PTPRM: variants seen among roughly 807,000 people sequenced by gnomAD.
The protein encoded by PTPRM is protein tyrosine phosphatase receptor type M, also known as receptor-type tyrosine-protein phosphatase mu.
A neutral mutation model predicts 186.7 loss-of-function variants in PTPRM; 47 were observed. That is an observed-to-expected ratio of 0.25 (90% confidence interval 0.20 to 0.32). The LOEUF (loss-of-function observed/expected upper bound fraction) is 0.32. Ranked by LOEUF, PTPRM falls within the 10% of genes least tolerant of loss-of-function variation. The pLI is 1.00. For synonymous variants in PTPRM, 668 were observed against 674.9 expected (o/e 0.99, Z 0.16); for missense variants, 1,494 against 1,865.0 (o/e 0.80, Z 3.66).
chr18:8,116,467 G>T (rs2091961464), intron 13 of PTPRM, among the ~76,000 whole-genome samples: 1 of 152,134 alleles, frequency 6.6e-6, no homozygotes, highest in Non-Finnish European at 1.5e-5. Context: ...GATAATCTGG[G>T]GGTCAAGGCC....
rs139723278 is a variant in PTPRM, at chr18:7,908,098, T to C, written c.547+1515T>C. 5.3e-4 allele frequency among the ~76,000 whole-genome samples: 80 copies of C among 152,310 alleles called. 1 individual carries two copies. Among genetic ancestry groups the C allele is most frequent in the African/African-American group, 1.9e-3 (77 of 41,576 alleles). On this transcript the variant is annotated intron_variant, in intron 4 of 32. Transcript: ENST00000580170. The stretch of plus-strand genomic sequence containing the variant: ...CTCAGTGGAGTGTGTTCTTAGAGGC[T>C]GAATTGCTGGGATGTAGTGCAGAGA...
chr18:7,700,301 A>G (rs1339498330), intron 1 of PTPRM, among the ~76,000 whole-genome samples: 1 of 152,230 alleles, frequency 6.6e-6, no homozygotes, highest in Admixed American at 6.5e-5. Flanking sequence ...GACTGGACCC[A>G]GTAAACCCTT....
intron 1 of PTPRM, among the ~76,000 whole-genome samples, chr18:7,728,456 C>T (rs1259250076): frequency 7.5e-6 from 1 of 133,752 alleles, no homozygotes; most frequent in African/African-American, 3.7e-5. Context: ...CTACGCTCCT[C>T]CCTGCATAAG....
intron 2 of PTPRM, among the ~76,000 whole-genome samples, chr18:7,783,550 C>T (rs2042952846): frequency 6.6e-6 from 1 of 152,038 alleles, no homozygotes; most frequent in Admixed American, 6.6e-5. Flanking sequence ...GAACAGTGCC[C>T]TCTCTTTTTA....
At chr18:7,791,415 T>C (rs2043339541) in intron 2 of PTPRM, among the ~76,000 whole-genome samples, 1 of 152,206 alleles carries the variant, frequency 6.6e-6, no homozygotes, top group Admixed American at 6.5e-5. Flanking sequence ...TATAGTCTAT[T>C]GTGGTCCCAG....
At chr18:8,146,284 G>A (rs1370590195) in intron 14 of PTPRM, among the ~76,000 whole-genome samples, 3 of 152,084 alleles carry the variant, frequency 2.0e-5, no homozygotes, top group Admixed American at 2.0e-4. Flanking sequence ...GCCTCCCAAA[G>A]TGCTGGGATT....
intron 25 of PTPRM, 119 bp from the exon 26 acceptor site, chr18:8,376,343 G>A (rs1477284413): frequency 6.5e-7 from 1 of 1,548,154 alleles, no homozygotes; most frequent in Admixed American, 1.8e-5. Flanking sequence ...CCACTGGAGT[G>A]TACCTTTTAA....
chr18:7,611,423 A>G (rs764769115), intron 1 of PTPRM, among the ~76,000 whole-genome samples: 3 of 152,170 alleles, frequency 2.0e-5, no homozygotes, highest in Non-Finnish European at 4.4e-5. Context: ...TAACTGCCCT[A>G]TACAGGTGTA....
intron 7 of PTPRM, among the ~76,000 whole-genome samples, chr18:7,985,202 C>A (rs937445365): frequency 8.6e-6 from 1 of 116,086 alleles, no homozygotes; most frequent in African/African-American, 3.6e-5. Context: ...TAAATATATA[C>A]ATATAATTGT....
chr18:7,923,140 G>T lies in PTPRM; in HGVS notation c.548-3428G>T, dbSNP rs74633851. 5.8e-3 allele frequency among the ~76,000 whole-genome samples: 884 copies of T among 152,294 alleles called. 7 individuals are homozygous for T. The highest frequency in any genetic ancestry group is 0.015 in the East Asian group (78 of 5,182). ...GAACTGACCAGCTTAACTGAGCGGG[G>T]TAAAATTTAGAATAGTGGCCGCAAG... is the stretch of plus-strand genomic sequence containing the variant. On this transcript the variant is annotated intron_variant, in intron 4 of 32. Coordinates refer to ENST00000580170, the MANE Select transcript of PTPRM (RefSeq NM_001105244.2).
intron 2 of PTPRM, among the ~76,000 whole-genome samples, chr18:7,817,621 TTTTC>T (rs1358357592): frequency 2.8e-5 from 3 of 107,808 alleles, no homozygotes; most frequent in Non-Finnish European, 6.4e-5. Context: ...TCTATGCTCT[TTTTC>T]TATCATATTA....
intron 31 of PTPRM, 116 bp from the exon 32 acceptor site, chr18:8,394,360 T>A (rs2095835006): frequency 8.3e-7 from 1 of 1,208,042 alleles, no homozygotes; most frequent in Admixed American, 3.1e-5. Flanking sequence ...TCCCCCGGCC[T>A]CAGAGCCCTT....
chr18:7,936,279 C>T (rs2051801547), intron 5 of PTPRM, among the ~76,000 whole-genome samples: 1 of 152,206 alleles, frequency 6.6e-6, no homozygotes, highest in Admixed American at 6.5e-5. Context: ...GCAGCTGCAG[C>T]TACCCAGCCA....
At chr18:7,892,645 T>C (rs9948903) in intron 3 of PTPRM, among the ~76,000 whole-genome samples, 7,436 of 152,300 alleles carry the variant, frequency 0.049, 594 homozygotes, top group African/African-American at 0.17. Context: ...TATTGCTTCA[T>C]TGATATCTTA....
At chr18:7,667,118 G>A (rs910561572) in intron 1 of PTPRM, among the ~76,000 whole-genome samples, 1 of 152,216 alleles carries the variant, frequency 6.6e-6, no homozygotes, top group African/African-American at 2.4e-5. Flanking sequence ...TTACGACTGT[G>A]TGTTGTCTCT....
At chr18:7,853,842 A>G (rs941862558) in intron 2 of PTPRM, among the ~76,000 whole-genome samples, 1 of 152,202 alleles carries the variant, frequency 6.6e-6, no homozygotes, top group African/African-American at 2.4e-5. Context: ...TCAGGTTTAC[A>G]GCTTTGAACT....
intron 1 of PTPRM, among the ~76,000 whole-genome samples, chr18:7,716,972 A>G (rs2040348198): frequency 6.6e-6 from 1 of 152,214 alleles, no homozygotes; most frequent in Admixed American, 6.5e-5. Flanking sequence ...CACTGGGTAT[A>G]TACCCAAAGG....
chr18:8,329,533 C>T (rs3786382), intron 22 of PTPRM, among the ~76,000 whole-genome samples: 35,865 of 152,084 alleles, frequency 0.24, 4,199 homozygotes, highest in Middle Eastern at 0.27. Context: ...AACTAATACC[C>T]ATGTACTTTC....
At chr18:7,908,078 T>C (rs2050084189) in intron 4 of PTPRM, among the ~76,000 whole-genome samples, 1 of 152,100 alleles carries the variant, frequency 6.6e-6, no homozygotes, top group African/African-American at 2.4e-5. Context: ...AGAGCCTCAG[T>C]GGAGTGTGTT....
Sources: gnomAD v4.1 joint callset for allele counts (sites outside exome capture counted in the v4.1 genomes callset) on GRCh38, gnomAD v4.1.1 for gene constraint, MANE v1.5 for transcripts, NCBI Gene and HGNC (gene_info 2026-07-23, HGNC 2026-07-21) for gene names.